PRKG1: variants seen among roughly 807,000 people sequenced by gnomAD.
PRKG1 encodes the protein cGMP-dependent protein kinase 1.
In PRKG1, 35 loss-of-function variants were observed where a neutral mutation model predicts 88.1. The observed-to-expected ratio is 0.40, with a 90% CI of 0.30 to 0.53. The LOEUF is 0.53. Among genes scored for constraint, PRKG1 ranks in the 20% least tolerant of loss-of-function variants. The probability of loss-of-function intolerance (pLI) is 0.59; values close to 1 mark genes in which losing one functional copy is unlikely to be tolerated. For missense variants in PRKG1, 540 were observed against 839.8 expected (o/e 0.64, Z 4.41); for synonymous variants, 303 against 292.5 (o/e 1.04, Z -0.37).
In PRKG1 at chr10:51,156,913, A is replaced by T. The variant is rs548225740; in HGVS notation, c.478+3583A>T. On this transcript the variant is annotated intron_variant, in intron 2 of 17. Coordinates refer to ENST00000373980, the MANE Select transcript of PRKG1 (RefSeq NM_006258.4). ...ATAATGAATGAATAGGCAGTAAAGG[A>T]TCTTCCACAAGCTTGCTTACTATCA... Among the ~76,000 whole-genome samples, 14 of 152,104 alleles carry T rather than the reference A, an allele frequency of 9.2e-5. No individual in the cohort carries two copies. The South Asian group carries it at 2.9e-3, about 32-fold the overall frequency.
rs1589317706 is a variant in PRKG1 at position 51,819,463 on chromosome 10, T to C, written c.698+14773T>C. On this transcript the variant is annotated intron_variant, in intron 4 of 17. Coordinates refer to ENST00000373980, the MANE Select transcript of PRKG1 (RefSeq NM_006258.4). ...ATCCAAACTATAGCAGTCAGCAAACTTCATTATGTCCATGTTTCTGCATAC... is the reference window on the plus strand; with the variant it reads ...ATCCAAACTATAGCAGTCAGCAAACCTCATTATGTCCATGTTTCTGCATAC... 2.6e-5 allele frequency among the ~76,000 whole-genome samples: 4 copies of C among 152,244 alleles called. No homozygotes were observed. In the South Asian group the frequency reaches 8.3e-4, roughly 32 times the overall value.
chr10:51,816,525 T>C (rs1203323078), intron 4 of PRKG1, among the ~76,000 whole-genome samples: 1 of 136,310 alleles, frequency 7.3e-6, no homozygotes, highest in African/African-American at 3.0e-5. Context: ...GTTCCTAACA[T>C]ATAATTTTGG....
At chr10:51,328,456 C>G (rs1448112586) in intron 2 of PRKG1, among the ~76,000 whole-genome samples, 1 of 152,162 alleles carries the variant, frequency 6.6e-6, no homozygotes, top group Non-Finnish European at 1.5e-5. Context: ...GCAAATATCT[C>G]TTCAATATAC....
rs1304689305 is a variant in PRKG1 at position 51,596,923 on chromosome 10, CTGTT to C, written c.592+129090_592+129093del. On this transcript the variant is annotated intron_variant, in intron 3 of 17. Coordinates refer to ENST00000373980, the MANE Select transcript of PRKG1 (RefSeq NM_006258.4). ...CACCAGGCACTAGCAAGTAATCTCT[CTGTT>C]TGGTGTGTATAATGTATGAAAAAAA... is the stretch of plus-strand genomic sequence containing the variant. Among the ~76,000 whole-genome samples the C allele has an allele frequency of 4.6e-5, 7 of 152,180 alleles. No individual in the cohort carries two copies. The East Asian group carries it at 1.4e-3, about 30-fold the overall frequency.
chr10:51,792,326 CT>C (rs993256187), intron 3 of PRKG1, among the ~76,000 whole-genome samples: 3 of 151,974 alleles, frequency 2.0e-5, no homozygotes, highest in Admixed American at 1.3e-4. Context: ...AAAAAAATTC[CT>C]TTTTTTCCCT....
intron 9 of PRKG1, among the ~76,000 whole-genome samples, chr10:52,174,843 A>T (rs1053168344): frequency 7.2e-5 from 11 of 152,018 alleles, no homozygotes; most frequent in Non-Finnish European, 7.4e-5. Context: ...TTTTATCTAC[A>T]TTGTTATATC....
At chr10:51,284,740 C>T (rs1439861626) in intron 2 of PRKG1, among the ~76,000 whole-genome samples, 1 of 152,010 alleles carries the variant, frequency 6.6e-6, no homozygotes, top group African/African-American at 2.4e-5. Context: ...GTTTTCTGTC[C>T]ACAGAGTTCA....
intron 2 of PRKG1, among the ~76,000 whole-genome samples, chr10:51,441,787 A>G (rs1005277143): frequency 2.6e-5 from 4 of 152,018 alleles, no homozygotes; most frequent in Non-Finnish European, 5.9e-5. Flanking sequence ...TGATGACTCT[A>G]AAGGAATTGT....
intron 1 of PRKG1, among the ~76,000 whole-genome samples, chr10:51,120,691 C>G (rs1184713498): frequency 6.6e-6 from 1 of 152,164 alleles, no homozygotes; most frequent in Admixed American, 6.6e-5. Flanking sequence ...CTTCATTAAA[C>G]AGCTATCGTT....
intron 3 of PRKG1, among the ~76,000 whole-genome samples, chr10:51,527,094 T>A (rs997647883): frequency 2.0e-5 from 3 of 152,194 alleles, no homozygotes; most frequent in African/African-American, 7.2e-5. Flanking sequence ...AAACTAGAAT[T>A]TGAATTTCAC....
intron 3 of PRKG1, among the ~76,000 whole-genome samples, chr10:51,511,367 C>G (rs2132060567): frequency 6.6e-6 from 1 of 152,174 alleles, no homozygotes; most frequent in Non-Finnish European, 1.5e-5. Context: ...AAATTAAGGA[C>G]TTCTATTATC....
chr10:51,549,246 C>T (rs188083559), intron 3 of PRKG1, among the ~76,000 whole-genome samples: 82 of 150,436 alleles, frequency 5.5e-4, no homozygotes, highest in Admixed American at 1.0e-3. Flanking sequence ...GCCTCAGCCT[C>T]CCAAAGTAGC....
intron 8 of PRKG1, among the ~76,000 whole-genome samples, chr10:52,157,855 A>G (rs1390222880): frequency 1.3e-5 from 2 of 151,244 alleles, no homozygotes; most frequent in African/African-American, 4.8e-5. Context: ...TGTCTAAACT[A>G]CCATCATTAA....
At chr10:51,676,277 C>T (rs1840708678) in intron 3 of PRKG1, among the ~76,000 whole-genome samples, 1 of 151,850 alleles carries the variant, frequency 6.6e-6, no homozygotes, top group African/African-American at 2.4e-5. Context: ...CACTCAGGAG[C>T]CCATGTGGCT....
At chr10:52,293,658 A>G in intron 17 of PRKG1, 144 bp from the exon 18 acceptor site, 1 of 640,254 alleles carries the variant, frequency 1.6e-6, no homozygotes, top group South Asian at 2.0e-5. Context: ...TGTACTTACC[A>G]CTGTGACCCT....
At chr10:51,797,178 TA>T (rs1317159791) in intron 3 of PRKG1, among the ~76,000 whole-genome samples, 2 of 122,692 alleles carry the variant, frequency 1.6e-5, no homozygotes, top group African/African-American at 2.9e-5. Flanking sequence ...GGTATCTGAG[TA>T]TTTTTTTTTT....
chr10:52,111,240 G>A (rs1454268074), intron 7 of PRKG1, among the ~76,000 whole-genome samples: 2 of 152,158 alleles, frequency 1.3e-5, no homozygotes, highest in African/African-American at 4.8e-5. Context: ...TTTTGGAGAA[G>A]CAATTTCACA....
chr10:52,062,961 C>G, intron 7 of PRKG1: 1 of 596,208 alleles, frequency 1.7e-6, no homozygotes, highest in East Asian at 2.9e-5. Context: ...TACTCAGAAT[C>G]ATTAAGATAG....
rs201944155 is a variant in PRKG1, at chr10:52,108,834, T to TTC, written c.936-25005_936-25004insCT. ...GGGAGAACAAGTATTCCTTTTTTTT[T>TTC]TTTTTTTTTTGAGATGGAGTGTCGC... is the stretch of plus-strand genomic sequence containing the variant. On this transcript the variant is annotated intron_variant, in intron 7 of 17. Transcript: ENST00000373980. Among the ~76,000 whole-genome samples, 178 of 138,600 alleles carry TTC rather than the reference T, an allele frequency of 1.3e-3. 1 individual carries two copies. The highest frequency in any genetic ancestry group is 8.1e-3 in the South Asian group (31 of 3,846). 90.9% of individuals were successfully genotyped at this position (138,600 alleles called of 152,430 possible). A position where few individuals can be genotyped will look rare whatever the true frequency, so the allele number is the denominator to read the frequency against.
Sources: gnomAD v4.1 joint callset for allele counts (sites outside exome capture counted in the v4.1 genomes callset) on GRCh38, gnomAD v4.1.1 for gene constraint, MANE v1.5 for transcripts, NCBI Gene and HGNC (gene_info 2026-07-23, HGNC 2026-07-21) for gene names.